Variants in HELLS observed in about 807,000 individuals in gnomAD.
The protein encoded by HELLS is helicase, lymphoid specific.
A neutral mutation model predicts 120.0 loss-of-function variants in HELLS; 32 were observed. The ratio of observed to expected loss-of-function variants is 0.27; its 90% CI spans 0.20 to 0.36. HELLS has a LOEUF of 0.36. Ranked by LOEUF, HELLS falls within the 10% of genes least tolerant of loss-of-function variation. The pLI is 1.00. For synonymous variants in HELLS, 341 were observed against 323.4 expected (o/e 1.05, Z -0.58); for missense variants, 650 against 993.4 (o/e 0.65, Z 4.65).
intron 8 of HELLS, 25 bp downstream of exon 8, chr10:94,574,212 A>G (rs1388902295): frequency 7.0e-7 from 1 of 1,437,918 alleles, no homozygotes; most frequent in Admixed American, 1.7e-5. Flanking sequence ...TTTTTAATAC[A>G]AGATACTGGT....
At chr10:94,599,450 CTCAA>C (rs1277333165) in intron 21 of HELLS, among the ~76,000 whole-genome samples, 1 of 152,104 alleles carries the variant, frequency 6.6e-6, no homozygotes, top group East Asian at 1.9e-4. Flanking sequence ...ACCTGCTGGG[CTCAA>C]TCAATCCCCA....
chr10:94,560,338 G>A (rs560819556), intron 4 of HELLS, among the ~76,000 whole-genome samples: 1 of 152,256 alleles, frequency 6.6e-6, no homozygotes, highest in Non-Finnish European at 1.5e-5. Flanking sequence ...CTAGTTAATG[G>A]TGATGTTAAA....
At chr10:94,575,598 A>G (rs970236940) in intron 9 of HELLS, among the ~76,000 whole-genome samples, 3 of 151,478 alleles carry the variant, frequency 2.0e-5, no homozygotes, top group Non-Finnish European at 2.9e-5. Context: ...AATTTTTTGT[A>G]TTTTGGTAGA....
At chr10:94,590,807 T>C (rs764633815) in intron 15 of HELLS, 31 bp downstream of exon 15, 1 of 1,251,006 alleles carries the variant, frequency 8.0e-7, no homozygotes, top group Non-Finnish European at 1.1e-6. Context: ...ATTTACTGTT[T>C]TGATTTCCAT....
intron 4 of HELLS, among the ~76,000 whole-genome samples, chr10:94,560,177 A>G (rs559825828): frequency 4.6e-5 from 7 of 151,984 alleles, no homozygotes; most frequent in Non-Finnish European, 1.0e-4. Flanking sequence ...GATTACAAGC[A>G]CCTGCCAGCA....
At chr10:94,581,232 C>T in intron 10 of HELLS, 94 bp from the exon 11 acceptor site, 1 of 640,818 alleles carries the variant, frequency 1.6e-6, no homozygotes, top group Non-Finnish European at 2.6e-6. Context: ...ATTCAACATC[C>T]ATCCCTCATA....
Position 94,545,863 on chromosome 10 carries a change from G to T in HELLS, c.-59G>T, listed in dbSNP as rs372598734. On this transcript the variant is annotated 5_prime_UTR_variant, in exon 1 of 22. Transcript: ENST00000348459. The stretch of plus-strand genomic sequence containing the variant: ...GGCCGGCAGCGGTTGTGAGGAGTTA[G>T]CTCGCGGCATTGCAGGCTCTGAGAG... The T allele has an allele frequency of 1.5e-4, 229 of 1,539,856 alleles. No individual in the cohort carries two copies. Among genetic ancestry groups the T allele is most frequent in the Non-Finnish European group, 1.9e-4 (216 of 1,136,136 alleles).
At position 94,581,534 on chromosome 10, in the gene HELLS, A is replaced by T; in HGVS notation, c.1229+12A>T. ...GATGACTTGAAAAGGTGGGTAAGCCAGTTATTTAATGATTTAACCTCAAAA... is the reference window on the plus strand; with the variant it reads ...GATGACTTGAAAAGGTGGGTAAGCCTGTTATTTAATGATTTAACCTCAAAA... On this transcript the variant is annotated intron_variant, in intron 11 of 21. Coordinates refer to ENST00000348459, the MANE Select transcript of HELLS (RefSeq NM_018063.5). The T allele has an allele frequency of 6.4e-7, 1 of 1,571,654 alleles. No homozygotes were observed. Among genetic ancestry groups the T allele is most frequent in the Non-Finnish European group, 8.6e-7 (1 of 1,156,716 alleles).
chr10:94,612,459 C>T (rs1272560443), exon 10 of HELLS: 1 of 152,170 alleles, frequency 6.6e-6, no homozygotes. Flanking sequence ...GCCTTTTCCT[C>T]ATATTCACAA....
intron 7 of HELLS, among the ~76,000 whole-genome samples, chr10:94,571,722 T>C (rs137883671): frequency 6.6e-6 from 1 of 152,334 alleles, no homozygotes; most frequent in Non-Finnish European, 1.5e-5. Flanking sequence ...CTCGTAACCA[T>C]GTGGATATAA....
At chr10:94,587,066 T>C (rs1845201311) in intron 12 of HELLS, among the ~76,000 whole-genome samples, 3 of 152,112 alleles carry the variant, frequency 2.0e-5, no homozygotes, top group Admixed American at 6.5e-5. Context: ...GCATAATTAT[T>C]GTCTGTTGCT....
intron 9 of HELLS, chr10:94,608,159 A>G (rs904496247): frequency 1.2e-4 from 19 of 157,412 alleles, no homozygotes; most frequent in Non-Finnish European, 5.7e-5. Context: ...AAATTAGTCT[A>G]GAATATGTTT....
intron 1 of HELLS, 90 bp from the exon 2 acceptor site, chr10:94,546,287 T>A: frequency 6.6e-7 from 1 of 1,515,874 alleles, no homozygotes; most frequent in Non-Finnish European, 9.1e-7. Flanking sequence ...CTCCAGTGCA[T>A]CTCGGGTGGG....
At chr10:94,598,155 A>G (rs1371052063) in intron 21 of HELLS, among the ~76,000 whole-genome samples, 1 of 152,036 alleles carries the variant, frequency 6.6e-6, no homozygotes, top group African/African-American at 2.4e-5. Context: ...TAGGCTATTG[A>G]TTATTTGTCT....
chr10:94,595,593 TATC>T (rs1449904726), intron 19 of HELLS, among the ~76,000 whole-genome samples: 4 of 152,198 alleles, frequency 2.6e-5, no homozygotes, highest in Non-Finnish European at 4.4e-5. Flanking sequence ...TTCATTTCCT[TATC>T]ATAACCAGAT....
chr10:94,554,995 T>C (rs1324120120), intron 3 of HELLS, among the ~76,000 whole-genome samples: 3 of 151,748 alleles, frequency 2.0e-5, no homozygotes, highest in Non-Finnish European at 4.4e-5. Context: ...ATAGAAAAAT[T>C]AGCTAGGTAA....
intron 6 of HELLS, chr10:94,571,140 G>A (rs926077146): frequency 2.3e-5 from 7 of 309,270 alleles, no homozygotes; most frequent in Admixed American, 5.3e-5. Flanking sequence ...AGAAAGAAAA[G>A]CTGGAAAATC....
chr10:94,587,637 A>G (rs1845234727), intron 12 of HELLS, among the ~76,000 whole-genome samples: 1 of 152,192 alleles, frequency 6.6e-6, no homozygotes, highest in Admixed American at 6.5e-5. Flanking sequence ...CATGTTCACC[A>G]GGCTGGTCTC....
downstream of HELLS, among the ~76,000 whole-genome samples, chr10:94,602,656 A>G (rs1181896922): frequency 6.6e-6 from 1 of 151,956 alleles, no homozygotes; most frequent in Non-Finnish European, 1.5e-5. Flanking sequence ...AGAAAAACTT[A>G]ATTTTTTTTC....
Sources: allele counts gnomAD v4.1 joint callset (sites outside exome capture counted in the v4.1 genomes callset), GRCh38; gene constraint gnomAD v4.1.1; transcripts MANE v1.5; gene names NCBI Gene and HGNC (gene_info 2026-07-23, HGNC 2026-07-21).